The following FBP2 variants were observed in gnomAD, a reference collection of about 807,000 sequenced individuals.
FBP2 encodes the protein fructose-1,6-bisphosphatase isozyme 2.
FBP2 carries 27 observed loss-of-function variants against 31.6 expected under a neutral mutation model. The observed-to-expected ratio is 0.85, with a 90% CI of 0.63 to 1.18. The LOEUF is 1.18. Among genes scored for constraint, FBP2 ranks in the 50% most tolerant of loss-of-function variants. FBP2 has a pLI of 0.00. For synonymous variants in FBP2, 168 were observed against 179.8 expected, an observed-to-expected ratio of 0.93 and a Z score of 0.53; for missense variants, 421 against 436.1, an observed-to-expected ratio of 0.97 and a Z score of 0.31.
At chr9:94,580,048 C>G (rs1186530804) in intron 3 of FBP2, among the ~76,000 whole-genome samples, 1 of 152,220 alleles carries the variant, frequency 6.6e-6, no homozygotes, top group Non-Finnish European at 1.5e-5. Flanking sequence ...TAGGCTTCCC[C>G]TAAAGAGAAG....
At chr9:94,559,899 A>C (rs1364584121) in intron 6 of FBP2, among the ~76,000 whole-genome samples, 1 of 152,122 alleles carries the variant, frequency 6.6e-6, no homozygotes, top group Non-Finnish European at 1.5e-5. Flanking sequence ...AGGCCGAGGC[A>C]AAAGGATCGC....
chr9:94,560,373 T>C (rs1175671232), intron 6 of FBP2, among the ~76,000 whole-genome samples: 4 of 152,148 alleles, frequency 2.6e-5, no homozygotes, highest in African/African-American at 4.8e-5. Flanking sequence ...GAATGGACTT[T>C]TTAGGTCTAT....
chr9:94,578,805 G>C (rs1827343082), intron 3 of FBP2, among the ~76,000 whole-genome samples: 1 of 151,934 alleles, frequency 6.6e-6, no homozygotes, highest in Non-Finnish European at 1.5e-5. Flanking sequence ...TGTAATCCCA[G>C]CACTTTGGAA....
chr9:94,559,466 A>G (rs1481506914), intron 6 of FBP2, among the ~76,000 whole-genome samples: 1 of 151,970 alleles, frequency 6.6e-6, no homozygotes, highest in Non-Finnish European at 1.5e-5. Flanking sequence ...CAAGAAGCAA[A>G]CTGATGCTGC....
rs192569094 is a variant in FBP2 at position 94,592,996 on chromosome 9, C to T, written c.170+561G>A. On this transcript the variant is annotated intron_variant, in intron 1 of 6. Coordinates refer to ENST00000375337, the MANE Select transcript of FBP2 (RefSeq NM_003837.4). ...AGGACTAGCACCTCCCGGCTTCCTGCACACCAAGTGGAGGTGAAGATAAAG... is the reference window on the plus strand; with the variant it reads ...AGGACTAGCACCTCCCGGCTTCCTGTACACCAAGTGGAGGTGAAGATAAAG... 5.8e-4 allele frequency among the ~76,000 whole-genome samples: 88 copies of T among 152,266 alleles called. 2 individuals carry two copies. Among genetic ancestry groups the T allele is most frequent in the African/African-American group, 2.1e-3 (87 of 41,536 alleles).
In FBP2 at chr9:94,593,318, T is replaced by A. The variant is rs957981457; in HGVS notation, c.170+239A>T. 2.7e-5 allele frequency among the ~76,000 whole-genome samples: 4 copies of A among 149,860 alleles called. No homozygotes were observed. The South Asian group carries it at 8.3e-4, about 31-fold the overall frequency. ...CAAGCCACTGCACTTGGTATCATTA[T>A]AATAACTGGAAAAATTATATGTGTA... On this transcript the variant is annotated intron_variant, in intron 1 of 6. Transcript: ENST00000375337.
At position 94,571,594 on chromosome 9, in the gene FBP2, C is replaced by T. The variant is rs903100563; in HGVS notation, c.435G>A (p.Glu145=). The T allele has an allele frequency of 1.9e-6, 3 of 1,612,066 alleles. No homozygotes were observed. The highest frequency in any genetic ancestry group is 2.7e-5 in the African/African-American group (2 of 74,886). The change falls in exon 4 of 7, where the codon GAG becomes GAA. Residue 145 remains glutamate (E), a synonymous_variant. Transcript: ENST00000375337. ...TIFAIYRKTS[E]DEPSEKDALQ... is the part of the protein sequence containing the mutation. ...GGGCATCCTTTTCAGAAGGCTCATC[C>T]TCTGAGGTCTGTGGAAGAGAGGGAT...
intron 3 of FBP2, among the ~76,000 whole-genome samples, chr9:94,581,925 C>T (rs555211147): frequency 7.3e-6 from 1 of 137,340 alleles, no homozygotes; most frequent in African/African-American, 2.8e-5. Context: ...TAAGGCCACG[C>T]CAGGCAAGGG....
rs1394583814 is a variant in FBP2, at chr9:94,584,627, T to C, written c.376A>G (p.Asn126Asp). 1.2e-6 allele frequency: 2 copies of C among 1,613,986 alleles called. No homozygotes were observed. ...VCFDPLDGSS[N>D]IDCLASIGTI... ...CCGATGGAGGCCAGGCAGTCAATATTGGAAGATCCATCCAGTGGGTCAAAG... is the reference window on the plus strand; with the variant it reads ...CCGATGGAGGCCAGGCAGTCAATATCGGAAGATCCATCCAGTGGGTCAAAG... The change falls in exon 3 of 7, where the codon AAT (asparagine) becomes GAT (aspartate). Residue 126 changes from asparagine (N) to aspartate (D), a missense_variant. Coordinates refer to ENST00000375337, the MANE Select transcript of FBP2 (RefSeq NM_003837.4).
chr9:94,571,519 A>G lies in FBP2; in HGVS notation c.510T>C (p.Ser170=), dbSNP rs41281156. The G allele has an allele frequency of 7.3e-4, 1,186 of 1,614,002 alleles. 4 individuals carry two copies. The highest frequency in any genetic ancestry group is 1.4e-3 in the South Asian group (125 of 91,038). ...CTGTGGAGAGAGCCACCAGGGTTGC[A>G]CTACCGTACAGCGCATAACCTGCGG... The part of the protein sequence containing the change: ...IVAAGYALYG[S]ATLVALSTGQ... Residue 170 remains serine (S), a synonymous_variant, in exon 4 of 7, where the codon AGT becomes AGC. Coordinates refer to ENST00000375337, the MANE Select transcript of FBP2 (RefSeq NM_003837.4).
Position 94,567,299 on chromosome 9 carries a change from C to T in FBP2, c.676G>A (p.Glu226Lys), listed in dbSNP as rs1324985129. 15 of 1,614,196 alleles carry T rather than the reference C, an allele frequency of 9.3e-6. No homozygotes were observed. The highest frequency in any genetic ancestry group is 1.3e-5 in the Non-Finnish European group (15 of 1,180,034). The change falls in exon 5 of 7, where the codon GAA becomes AAA. Residue 226 changes from glutamate (E) to lysine (K), a missense_variant. Transcript: ENST00000375337. ...YAKYFDAATT[E>K]YVQKKKFPED... is the part of the protein sequence containing the mutation. ...GGGAATTTCTTTTTCTGCACATATT[C>T]AGTGGTGGCCGCATCAAAATACTTG...
In FBP2 at chr9:94,558,852, A is replaced by G; in HGVS notation, c.*86T>C. The G allele has an allele frequency of 1.6e-6, 2 of 1,283,706 alleles. No homozygotes were observed. Among genetic ancestry groups the G allele is most frequent in the East Asian group, 2.4e-5 (1 of 42,354 alleles). 79.5% of individuals were successfully genotyped at this position (1,283,706 alleles called of 1,614,324 possible). ...AAGTGGATTTACCTTTTGTATACTC[A>G]TAGCTACCATCTCTGTTTATCGTTC... On this transcript the variant is annotated 3_prime_UTR_variant, in exon 7 of 7. Coordinates refer to ENST00000375337, the MANE Select transcript of FBP2 (RefSeq NM_003837.4).
intron 4 of FBP2, chr9:94,569,637 G>A (rs1026038941): frequency 2.6e-5 from 4 of 152,106 alleles, no homozygotes; most frequent in African/African-American, 9.7e-5. Context: ...CACCAACAAC[G>A]GCTGATTTTT....
intron 6 of FBP2, among the ~76,000 whole-genome samples, chr9:94,561,661 A>G (rs1244238763): frequency 6.6e-6 from 1 of 152,084 alleles, no homozygotes; most frequent in Non-Finnish European, 1.5e-5. Flanking sequence ...CACCGCAGCC[A>G]GCCATGACCT....
At chr9:94,561,245 G>A (rs570327127) in intron 6 of FBP2, among the ~76,000 whole-genome samples, 3 of 151,334 alleles carry the variant, frequency 2.0e-5, no homozygotes, top group Admixed American at 1.3e-4. Context: ...TTGGAGCCAA[G>A]TTACTTTTGT....
At chr9:94,562,119 G>C (rs1827115697) in intron 6 of FBP2, among the ~76,000 whole-genome samples, 1 of 151,878 alleles carries the variant, frequency 6.6e-6, no homozygotes, top group Non-Finnish European at 1.5e-5. Context: ...AGACCATCCT[G>C]GCTAACATGG....
At chr9:94,566,210 CCTGGCCATAAACTGGCCCCAAAA>C (rs1026790737) in intron 5 of FBP2, among the ~76,000 whole-genome samples, 1 of 152,226 alleles carries the variant, frequency 6.6e-6, no homozygotes, top group Admixed American at 6.5e-5. Context: ...CCCCCCAAAA[CCTGGCCATAAACTGGCCCCAAAA>C]CTGGCCATAA....
At chr9:94,562,120 G>A (rs561543444) in intron 6 of FBP2, among the ~76,000 whole-genome samples, 5 of 151,942 alleles carry the variant, frequency 3.3e-5, no homozygotes, top group South Asian at 2.1e-4. Flanking sequence ...GACCATCCTG[G>A]CTAACATGGT....
chr9:94,564,619 A>G (rs909592653), intron 5 of FBP2, among the ~76,000 whole-genome samples: 3 of 152,270 alleles, frequency 2.0e-5, no homozygotes, highest in Non-Finnish European at 4.4e-5. Flanking sequence ...ATGAGAACAC[A>G]TGGACACAAA....
Sources: allele counts gnomAD v4.1 joint callset (sites outside exome capture counted in the v4.1 genomes callset), GRCh38; gene constraint gnomAD v4.1.1; transcripts MANE v1.5; gene names NCBI Gene and HGNC (gene_info 2026-07-23, HGNC 2026-07-21).